The following LPXN variants were observed in gnomAD, a reference collection of about 807,000 sequenced individuals.
The protein encoded by LPXN is leupaxin.
LPXN carries 28 observed loss-of-function variants against 45.6 expected under a neutral mutation model. That is an observed-to-expected ratio of 0.61 (90% CI 0.45 to 0.84). The LOEUF (loss-of-function observed/expected upper bound fraction) is 0.84. LPXN is among the 40% of genes least tolerant of loss of function. The pLI is 0.00. For synonymous variants in LPXN, 166 were observed against 169.9 expected (o/e 0.98, Z 0.18); for missense variants, 459 against 475.0 (o/e 0.97, Z 0.31).
chr11:58,538,583 G>T (rs905636620), intron 7 of LPXN, among the ~76,000 whole-genome samples: 5 of 152,140 alleles, frequency 3.3e-5, no homozygotes, highest in Non-Finnish European at 7.4e-5. Context: ...TTTGAGAAGT[G>T]TCTTAAACTG....
intron 1 of LPXN, among the ~76,000 whole-genome samples, chr11:58,572,735 T>G (rs1309598460): frequency 6.6e-6 from 1 of 152,076 alleles, no homozygotes; most frequent in Non-Finnish European, 1.5e-5. Context: ...ATATATTTAT[T>G]TTAGAGGTCA....
intron 3 of LPXN, among the ~76,000 whole-genome samples, chr11:58,558,324 A>G (rs2510555): frequency 0.96 from 145,123 of 151,720 alleles, 69,569 homozygotes; most frequent in Middle Eastern, 0.99. Context: ...GACTGCTTGA[A>G]CCCAGGAGTT....
rs1220196281 is a variant in LPXN at position 58,575,773 on chromosome 11, TG to T, written c.-2del. ...CTCCTCACTCACCTAACTCTTCCAT[TG>T]TCCTACATCCAAGATGCTCTTGTCT... On this transcript the variant is annotated 5_prime_UTR_variant, in exon 1 of 9. Transcript: ENST00000395074. 1 of 1,614,112 alleles carries T rather than the reference TG, an allele frequency of 6.2e-7. No individual in the cohort carries two copies. The highest frequency in any genetic ancestry group is 8.5e-7 in the Non-Finnish European group (1 of 1,180,048).
At chr11:58,533,187 C>G (rs1432442348) in intron 7 of LPXN, among the ~76,000 whole-genome samples, 4 of 152,148 alleles carry the variant, frequency 2.6e-5, no homozygotes, top group Non-Finnish European at 5.9e-5. Flanking sequence ...CGCAAGGGTC[C>G]GCGGCTTCAT....
intron 7 of LPXN, among the ~76,000 whole-genome samples, chr11:58,537,053 A>G (rs1040721316): frequency 6.6e-6 from 1 of 151,524 alleles, no homozygotes; most frequent in Non-Finnish European, 1.5e-5. Context: ...ATGCTTTTAC[A>G]CTGTTGGTGG....
At chr11:58,556,798 A>G (rs9888176) in intron 3 of LPXN, among the ~76,000 whole-genome samples, 49,492 of 152,060 alleles carry the variant, frequency 0.33, 8,789 homozygotes, top group Middle Eastern at 0.49. Context: ...CAAATAATAT[A>G]TTTAACAAGA....
chr11:58,538,775 T>C (rs1176604465), intron 7 of LPXN, among the ~76,000 whole-genome samples: 2 of 149,524 alleles, frequency 1.3e-5, no homozygotes, highest in Admixed American at 6.6e-5. Context: ...TAATACAATA[T>C]ATATACACAA....
chr11:58,571,284 C>T (rs775099111), intron 1 of LPXN, among the ~76,000 whole-genome samples: 15 of 151,806 alleles, frequency 9.9e-5, no homozygotes, highest in Non-Finnish European at 1.3e-4. Flanking sequence ...TGCGATGAGT[C>T]GAGATCACGC....
At chr11:58,573,723 T>G (rs1430526404) in intron 1 of LPXN, among the ~76,000 whole-genome samples, 1 of 151,378 alleles carries the variant, frequency 6.6e-6, no homozygotes, top group Non-Finnish European at 1.5e-5. Flanking sequence ...TCCTGGAGAG[T>G]GGGGGCGGGG....
intron 7 of LPXN, among the ~76,000 whole-genome samples, chr11:58,539,903 AT>A (rs1452908634): frequency 6.6e-6 from 1 of 152,156 alleles, no homozygotes; most frequent in Non-Finnish European, 1.5e-5. Flanking sequence ...ATTCCATTGG[AT>A]TTAGGTAATT....
intron 7 of LPXN, among the ~76,000 whole-genome samples, chr11:58,532,710 G>C (rs1018222382): frequency 6.6e-6 from 1 of 152,160 alleles, no homozygotes; most frequent in African/African-American, 2.4e-5. Flanking sequence ...CTGTAAAATG[G>C]ACCAATCAGC....
At position 58,550,008 on chromosome 11, in the gene LPXN, G is replaced by C. The variant is rs1853996329; in HGVS notation, c.625C>G (p.Pro209Ala). The C allele has an allele frequency of 1.2e-6, 2 of 1,614,228 alleles. No homozygotes were observed. The highest frequency in any genetic ancestry group is 1.7e-6 in the Non-Finnish European group (2 of 1,180,044). ...GGAGCAGCGCAGTAAGCACAGCGTGGAGAAAAAAGTTGGTGGTAGTCGTTG... is the reference window on the plus strand; with the variant it reads ...GGAGCAGCGCAGTAAGCACAGCGTGCAGAAAAAAGTTGGTGGTAGTCGTTG... ...CPNDYHQLFS[P>A]RCAYCAAPIL... The change falls in exon 6 of 9, where the codon CCA (proline) becomes GCA (alanine). Residue 209 changes from proline to alanine, a missense_variant. Coordinates refer to ENST00000395074, the MANE Select transcript of LPXN (RefSeq NM_004811.3).
intron 7 of LPXN, among the ~76,000 whole-genome samples, chr11:58,528,558 T>G (rs1853296698): frequency 6.6e-6 from 1 of 152,204 alleles, no homozygotes; most frequent in Non-Finnish European, 1.5e-5. Context: ...AGTCCCTCCT[T>G]GTCACATCAT....
At chr11:58,534,835 G>C (rs1002512660) in intron 7 of LPXN, among the ~76,000 whole-genome samples, 3 of 152,180 alleles carry the variant, frequency 2.0e-5, no homozygotes, top group Admixed American at 6.5e-5. Context: ...TGATAAAGGG[G>C]TTATCACTAC....
At chr11:58,565,778 A>G (rs896261809) in intron 2 of LPXN, among the ~76,000 whole-genome samples, 2 of 151,810 alleles carry the variant, frequency 1.3e-5, no homozygotes, top group African/African-American at 4.8e-5. Context: ...AGGTCAGGAG[A>G]ATTTGAGACC....
chr11:58,569,636 C>G (rs539726308), intron 2 of LPXN, among the ~76,000 whole-genome samples: 1 of 152,104 alleles, frequency 6.6e-6, no homozygotes, highest in Non-Finnish European at 1.5e-5. Context: ...GTGATCCCCC[C>G]GCCTCAGCCT....
upstream of LPXN, among the ~76,000 whole-genome samples, chr11:58,578,606 A>T (rs923805573): frequency 6.6e-6 from 1 of 152,206 alleles, no homozygotes; most frequent in African/African-American, 2.4e-5. Context: ...GGGGACAGAA[A>T]GGCCAAAGAC....
At chr11:58,544,865 T>A (rs576450590) in intron 7 of LPXN, among the ~76,000 whole-genome samples, 129 of 152,248 alleles carry the variant, frequency 8.5e-4, no homozygotes, top group Admixed American at 1.5e-3. Flanking sequence ...GAAGAGCTCA[T>A]CCCTGTGGGA....
intron 7 of LPXN, among the ~76,000 whole-genome samples, chr11:58,544,000 T>A (rs1017337210): frequency 1.3e-5 from 2 of 152,164 alleles, no homozygotes; most frequent in Admixed American, 6.5e-5. Context: ...TTTGTTCAAC[T>A]TTGCTTTCTT....
Sources: allele counts gnomAD v4.1 joint callset (sites outside exome capture counted in the v4.1 genomes callset), GRCh38; gene constraint gnomAD v4.1.1; transcripts MANE v1.5; gene names NCBI Gene and HGNC (gene_info 2026-07-23, HGNC 2026-07-21).